FNDC3B: variants seen among roughly 807,000 people sequenced by gnomAD.
The protein encoded by FNDC3B is fibronectin type III domain-containing protein 3B.
FNDC3B carries 12 observed loss-of-function variants against 151.5 expected under a neutral mutation model. The observed-to-expected ratio is 0.08, with a 90% CI of 0.05 to 0.13. The LOEUF is 0.13. Among genes scored for constraint, FNDC3B ranks in the 10% least tolerant of loss-of-function variants. The probability of loss-of-function intolerance (pLI) is 1.00; values close to 1 mark genes in which losing one functional copy is unlikely to be tolerated. For missense variants in FNDC3B, 1,214 were observed against 1,505.3 expected, an observed-to-expected ratio of 0.81 and a Z score of 3.20; for synonymous variants, 528 against 549.0, an observed-to-expected ratio of 0.96 and a Z score of 0.54.
At chr3:172,087,932 A>T (rs567938656) in intron 1 of FNDC3B, among the ~76,000 whole-genome samples, 1 of 152,332 alleles carries the variant, frequency 6.6e-6, no homozygotes, top group East Asian at 1.9e-4. Flanking sequence ...AAGATAGTCC[A>T]CATTAGCAAG....
chr3:172,317,848 G>T (rs1359777632), intron 11 of FNDC3B, among the ~76,000 whole-genome samples: 1 of 152,210 alleles, frequency 6.6e-6, no homozygotes, highest in South Asian at 2.1e-4. Context: ...AAAAACTGAT[G>T]TTAGTGCTAT....
chr3:172,315,895 G>A (rs1294553201), intron 11 of FNDC3B, among the ~76,000 whole-genome samples: 3 of 151,524 alleles, frequency 2.0e-5, no homozygotes, highest in Non-Finnish European at 4.4e-5. Flanking sequence ...CACTATACCC[G>A]TTGGCCGCAC....
At chr3:172,268,664 C>G (rs560806794) in intron 6 of FNDC3B, among the ~76,000 whole-genome samples, 32 of 152,260 alleles carry the variant, frequency 2.1e-4, no homozygotes, top group Non-Finnish European at 2.5e-4. Context: ...CGTGGTATTG[C>G]TAGGACCTTA....
intron 3 of FNDC3B, among the ~76,000 whole-genome samples, chr3:172,167,480 T>C (rs1723063898): frequency 6.6e-6 from 1 of 152,252 alleles, no homozygotes; most frequent in Non-Finnish European, 1.5e-5. Flanking sequence ...CATGGTGCCC[T>C]GGCACGTGGA....
At chr3:172,106,741 T>C (rs1329634335) in intron 1 of FNDC3B, among the ~76,000 whole-genome samples, 1 of 152,226 alleles carries the variant, frequency 6.6e-6, no homozygotes, top group Non-Finnish European at 1.5e-5. Flanking sequence ...GCTGCAGTTC[T>C]CTTCTGCGAA....
intron 1 of FNDC3B, among the ~76,000 whole-genome samples, chr3:172,042,957 C>T (rs1716165308): frequency 6.6e-6 from 1 of 152,148 alleles, no homozygotes; most frequent in Non-Finnish European, 1.5e-5. Flanking sequence ...CTCTGTAGCC[C>T]AGGCTGGAGT....
At chr3:172,244,761 A>T (rs1271660576) in intron 4 of FNDC3B, among the ~76,000 whole-genome samples, 1 of 151,082 alleles carries the variant, frequency 6.6e-6, no homozygotes, top group Non-Finnish European at 1.5e-5. Flanking sequence ...AGTAGCTGGG[A>T]CTACAGGTCC....
chr3:172,200,894 G>A (rs1244955548), intron 3 of FNDC3B, among the ~76,000 whole-genome samples: 1 of 152,084 alleles, frequency 6.6e-6, no homozygotes, highest in Non-Finnish European at 1.5e-5. Flanking sequence ...AATTTGAAGC[G>A]TTTTCTCAAA....
chr3:172,264,524 A>G (rs1477232500), intron 6 of FNDC3B, among the ~76,000 whole-genome samples: 1 of 152,112 alleles, frequency 6.6e-6, no homozygotes, highest in East Asian at 1.9e-4. Flanking sequence ...GCATTTTTAG[A>G]TTCTATGAAT....
chr3:172,386,145 G>A (rs1485696415), intron 25 of FNDC3B, among the ~76,000 whole-genome samples: 1 of 152,128 alleles, frequency 6.6e-6, no homozygotes, highest in Non-Finnish European at 1.5e-5. Flanking sequence ...TTTCCAGGAA[G>A]CTTAAAACTT....
chr3:172,205,190 G>A (rs1725361388), intron 3 of FNDC3B, among the ~76,000 whole-genome samples: 1 of 151,600 alleles, frequency 6.6e-6, no homozygotes, highest in Admixed American at 6.5e-5. Flanking sequence ...CCAGGCTACA[G>A]TATTTACCAT....
At chr3:172,225,183 C>CT (rs1419786539) in intron 3 of FNDC3B, among the ~76,000 whole-genome samples, 1 of 152,032 alleles carries the variant, frequency 6.6e-6, no homozygotes, top group Non-Finnish European at 1.5e-5. Flanking sequence ...TTTTTAAAAA[C>CT]TTTTTTGGGA....
chr3:172,122,443 G>A (rs1474318473), intron 2 of FNDC3B, among the ~76,000 whole-genome samples: 1 of 152,244 alleles, frequency 6.6e-6, no homozygotes, highest in Admixed American at 6.5e-5. Context: ...GCCAGAACTA[G>A]ATGCCTCTTA....
chr3:172,048,243 A>T (rs900557038), intron 1 of FNDC3B, among the ~76,000 whole-genome samples: 1 of 152,174 alleles, frequency 6.6e-6, no homozygotes, highest in South Asian at 2.1e-4. Context: ...TATTTCTAGG[A>T]TATTATGCTT....
chr3:172,321,942 T>C (rs1257714268), intron 11 of FNDC3B, among the ~76,000 whole-genome samples: 1 of 152,214 alleles, frequency 6.6e-6, no homozygotes, highest in Non-Finnish European at 1.5e-5. Flanking sequence ...CCCCACCTTC[T>C]AGCTGTTTAC....
At chr3:172,072,548 G>A (rs891248469) in intron 1 of FNDC3B, among the ~76,000 whole-genome samples, 6 of 152,096 alleles carry the variant, frequency 3.9e-5, no homozygotes, top group South Asian at 2.1e-4. Flanking sequence ...ACAGTCTACC[G>A]CATCTGGAGG....
intron 9 of FNDC3B, among the ~76,000 whole-genome samples, chr3:172,305,098 A>G (rs989021773): frequency 1.3e-5 from 2 of 152,158 alleles, no homozygotes; most frequent in African/African-American, 4.8e-5. Flanking sequence ...TCATCACTCA[A>G]CTTCTGTTAC....
intron 5 of FNDC3B, among the ~76,000 whole-genome samples, chr3:172,249,315 A>T (rs551999093): frequency 6.6e-6 from 1 of 152,144 alleles, no homozygotes; most frequent in Non-Finnish European, 1.5e-5. Context: ...GTCCTTTGCA[A>T]TTTTAGGCAA....
intron 15 of FNDC3B, among the ~76,000 whole-genome samples, chr3:172,336,620 G>A (rs1469454539): frequency 6.6e-6 from 1 of 152,076 alleles, no homozygotes; most frequent in Non-Finnish European, 1.5e-5. Flanking sequence ...AATCTTGTTG[G>A]CCGGGCACGG....
Sources: allele counts gnomAD v4.1 joint callset (sites outside exome capture counted in the v4.1 genomes callset), GRCh38; gene constraint gnomAD v4.1.1; transcripts MANE v1.5; gene names NCBI Gene and HGNC (gene_info 2026-07-23, HGNC 2026-07-21).